CPLANE1: variants seen among roughly 807,000 people sequenced by gnomAD.
CPLANE1 encodes ciliogenesis and planar polarity effector complex subunit 1, also known as ciliogenesis and planar polarity effector 1.
A neutral mutation model predicts 362.5 loss-of-function variants in CPLANE1; 263 were observed. The ratio of observed to expected loss-of-function variants is 0.73; its 90% confidence interval spans 0.66 to 0.80. CPLANE1 has a LOEUF of 0.80. CPLANE1 is among the 30% of genes least tolerant of loss of function. CPLANE1 has a pLI of 0.00. For synonymous variants in CPLANE1, 1,212 were observed against 1,302.6 expected (o/e 0.93, Z 1.50); for missense variants, 3,461 against 3,793.4 (o/e 0.91, Z 2.30).
At position 37,201,689 on chromosome 5, in the gene CPLANE1, CAG is replaced by C. The variant is rs1228082731; in HGVS notation, c.3407_3408del (p.Ser1136CysfsTer6). On this transcript the variant is annotated frameshift_variant, in exon 19 of 53. Coordinates refer to ENST00000651892, the MANE Select transcript of CPLANE1 (RefSeq NM_001384732.1). LOFTEE classifies it high-confidence loss of function. ...CACAGTCTTTTACTGAAGTCCTTGG[CAG>C]AGTCTATCAGAAGTTGAAATGTCTC... is the stretch of plus-strand genomic sequence containing the variant. ...LSETFQLLID[S>X]AKDFSKRLWG... 6.2e-7 allele frequency: 1 copy of C among 1,614,004 alleles called. No homozygotes were observed. The highest frequency in any genetic ancestry group is 8.5e-7 in the Non-Finnish European group (1 of 1,179,988).
At position 37,167,041 on chromosome 5, in the gene CPLANE1, C is replaced by A. The variant is rs1304769370; in HGVS notation, c.7400+6G>T. 1.2e-6 allele frequency: 2 copies of A among 1,601,414 alleles called. No homozygotes were observed. Among genetic ancestry groups the A allele is most frequent in the Middle Eastern group, 1.7e-4 (1 of 6,010 alleles). On this transcript the variant is annotated splice_donor_region_variant and intron_variant, in intron 35 of 52. Transcript: ENST00000651892. ...ATTATCAAATAAAATTTCACTTAAG[C>A]CTTGCCTTTTTTTACTGTCCTTTCC...
chr5:37,239,574 C>G lies in CPLANE1; in HGVS notation c.834+139G>C, dbSNP rs1396058909. On this transcript the variant is annotated intron_variant, in intron 7 of 52. Coordinates refer to ENST00000651892, the MANE Select transcript of CPLANE1 (RefSeq NM_001384732.1). ...CTCCAGCCTAGGCAACAGAGAGAGACCCTGTCAAAAAAAAAAAAAAAAAAA... is the reference window on the plus strand; with the variant it reads ...CTCCAGCCTAGGCAACAGAGAGAGAGCCTGTCAAAAAAAAAAAAAAAAAAA... 16 of 526,720 alleles carry G rather than the reference C, an allele frequency of 3.0e-5. No individual in the cohort carries two copies. The East Asian group carries it at 5.0e-4, about 16-fold the overall frequency. 32.6% of individuals were successfully genotyped at this position (526,720 alleles called of 1,614,324 possible).
Position 37,117,099 on chromosome 5 carries a change from A to G in CPLANE1, c.9311-2050T>C, listed in dbSNP as rs185151053. Among the ~76,000 whole-genome samples the G allele has an allele frequency of 2.0e-5, 3 of 152,348 alleles. No homozygotes were observed. The East Asian group carries it at 5.8e-4, about 29-fold the overall frequency. ...GGACAATAGCCAGGCATATGGTATT[A>G]TTCTCTGACATGGTATAAATACTAT... On this transcript the variant is annotated intron_variant, in intron 50 of 52. Transcript: ENST00000651892.
At chr5:37,127,112 G>A (rs1235650009) in intron 46 of CPLANE1, among the ~76,000 whole-genome samples, 1 of 152,126 alleles carries the variant, frequency 6.6e-6, no homozygotes, top group African/African-American at 2.4e-5. Context: ...CATTCTGTGC[G>A]ACCCCACTGG....
chr5:37,143,581 G>C (rs1405689489), intron 43 of CPLANE1, among the ~76,000 whole-genome samples: 1 of 152,208 alleles, frequency 6.6e-6, no homozygotes, highest in Non-Finnish European at 1.5e-5. Context: ...AGACAGATAT[G>C]AGGAAATCAT....
chr5:37,231,141 G>A, intron 8 of CPLANE1, 92 bp from the exon 9 acceptor site: 1 of 901,304 alleles, frequency 1.1e-6, no homozygotes, highest in Non-Finnish European at 1.5e-6. Flanking sequence ...AGGTGTGAAA[G>A]TTCAAAAAAT....
Position 37,165,658 on chromosome 5 carries a change from C to A in CPLANE1, c.7414G>T (p.Ala2472Ser). 1 of 1,606,980 alleles carries A rather than the reference C, an allele frequency of 6.2e-7. No homozygotes were observed. Among genetic ancestry groups the A allele is most frequent in the Non-Finnish European group, 8.5e-7 (1 of 1,178,514 alleles). ...CTTTTTTCTTGCAGCTCTTTCTCAGCTCTTCTTCTTTGCCTGTTAAACATA... is the reference window on the plus strand; with the variant it reads ...CTTTTTTCTTGCAGCTCTTTCTCAGATCTTCTTCTTTGCCTGTTAAACATA... Reference protein sequence around the residue: ...KDSKKRQRRRAEKELQEKRCE... With the variant: ...KDSKKRQRRRSEKELQEKRCE... Residue 2472 changes from alanine to serine, a missense_variant, in exon 36 of 53, where the codon GCT (alanine) becomes TCT (serine). By Grantham distance (99) the Ala-to-Ser change is moderately conservative. Coordinates refer to ENST00000651892, the MANE Select transcript of CPLANE1 (RefSeq NM_001384732.1).
In CPLANE1 at chr5:37,138,683, T is replaced by C. The variant is rs766055033; in HGVS notation, c.8792+37A>G. 8.2e-6 allele frequency: 13 copies of C among 1,585,708 alleles called. No homozygotes were observed. In the South Asian group the frequency reaches 1.4e-4, roughly 17 times the overall value. On this transcript the variant is annotated intron_variant, in intron 46 of 52. Coordinates refer to ENST00000651892, the MANE Select transcript of CPLANE1 (RefSeq NM_001384732.1). ...TTTGAACATTCTTGAATGAGAAGCATTTTAAACAGGTTAAAAATGAATTAT... is the reference window on the plus strand; with the variant it reads ...TTTGAACATTCTTGAATGAGAAGCACTTTAAACAGGTTAAAAATGAATTAT...
intron 9 of CPLANE1, among the ~76,000 whole-genome samples, chr5:37,230,178 G>GA (rs1043621234): frequency 1.2e-4 from 10 of 80,522 alleles, no homozygotes; most frequent in Admixed American, 2.7e-4. Context: ...TCCGTCTCAA[G>GA]AAAAAAAAAA....
At chr5:37,212,242 T>C (rs1019897264) in intron 16 of CPLANE1, 4 of 1,447,844 alleles carry the variant, frequency 2.8e-6, no homozygotes, top group Non-Finnish European at 3.9e-6. Flanking sequence ...ATGAAAATCA[T>C]CCAGCAAGAC....
At chr5:37,144,258 A>C (rs1055045728) in intron 43 of CPLANE1, among the ~76,000 whole-genome samples, 1 of 151,786 alleles carries the variant, frequency 6.6e-6, no homozygotes, top group Admixed American at 6.6e-5. Context: ...AAATACAAAA[A>C]ATTAGCCCAG....
intron 16 of CPLANE1, chr5:37,211,824 G>C: frequency 1.2e-6 from 1 of 804,616 alleles, no homozygotes; most frequent in South Asian, 1.3e-5. Flanking sequence ...AGCTTTTAAG[G>C]ATAACGAGGA....
chr5:37,210,038 C>T (rs775986494), intron 16 of CPLANE1: 9 of 802,788 alleles, frequency 1.1e-5, no homozygotes, highest in Non-Finnish European at 1.7e-5. Flanking sequence ...TTAAAGATAC[C>T]GAAATAGGAA....
intron 50 of CPLANE1, among the ~76,000 whole-genome samples, chr5:37,116,630 A>AC (rs1761086902): frequency 6.6e-6 from 1 of 152,074 alleles, no homozygotes; most frequent in Non-Finnish European, 1.5e-5. Context: ...AAAAAAAAAA[A>AC]ATTTCCTAAC....
intron 40 of CPLANE1, 83 bp downstream of exon 40, chr5:37,157,587 G>C (rs1043219985): frequency 1.5e-5 from 18 of 1,230,716 alleles, no homozygotes; most frequent in Non-Finnish European, 2.0e-5. Context: ...TAGGAGGAGA[G>C]GTAAGAGATG....
At position 37,183,121 on chromosome 5, in the gene CPLANE1, T is replaced by G. The variant is rs767457866; in HGVS notation, c.5060A>C (p.Lys1687Thr). Residue 1687 changes from lysine to threonine, a missense_variant, in exon 26 of 53, where the codon AAA becomes ACA. By Grantham distance (78) the Lys-to-Thr change is moderately conservative. Coordinates refer to ENST00000651892, the MANE Select transcript of CPLANE1 (RefSeq NM_001384732.1). Reference sequence around the variant, plus strand: ...TTTCTCTCTAGTGTCATCTTGTATTTTGTAAATTGACCTTTGTTTTAAACC... The same window carrying G: ...TTTCTCTCTAGTGTCATCTTGTATTGTGTAAATTGACCTTTGTTTTAAACC... ...LFGLKQRSIY[K>T]IQDDTREKCL... The G allele has an allele frequency of 6.2e-7, 1 of 1,613,280 alleles. No individual in the cohort carries two copies. Among genetic ancestry groups the G allele is most frequent in the Non-Finnish European group, 8.5e-7 (1 of 1,179,778 alleles).
At chr5:37,208,578 G>T (rs1791526962) in intron 16 of CPLANE1, among the ~76,000 whole-genome samples, 1 of 152,008 alleles carries the variant, frequency 6.6e-6, no homozygotes, top group Non-Finnish European at 1.5e-5. Flanking sequence ...TCAGGAGGCT[G>T]AGGCAGGAGA....
chr5:37,147,358 A>G (rs1010788072), intron 43 of CPLANE1, among the ~76,000 whole-genome samples: 7 of 152,246 alleles, frequency 4.6e-5, no homozygotes, highest in African/African-American at 1.7e-4. Context: ...ACATAGCCCA[A>G]TATTAGAATG....
Position 37,238,879 on chromosome 5 carries a change from C to G in CPLANE1, c.916G>C (p.Val306Leu). The change falls in exon 8 of 53, where the codon GTG becomes CTG. Residue 306 changes from valine (V) to leucine (L), a missense_variant. This residue lies in a region of CPLANE1 where 3,380 missense variants were observed against 3,666.1 expected (regional missense o/e 0.92). Transcript: ENST00000651892. Reference sequence around the variant, plus strand: ...TACCTAATAAGTGTAGCTGGAACCACGGGACTCTTGTTACTACATCCTTTA... The same window carrying G: ...TACCTAATAAGTGTAGCTGGAACCAGGGGACTCTTGTTACTACATCCTTTA... ...SLKGCSNKSP[V>L]VPATLIRSYW... is the part of the protein sequence containing the mutation. 6.6e-7 allele frequency: 1 copy of G among 1,520,998 alleles called. No homozygotes were observed. Among genetic ancestry groups the G allele is most frequent in the Non-Finnish European group, 8.8e-7 (1 of 1,133,552 alleles). 94.2% of individuals were successfully genotyped at this position (1,520,998 alleles called of 1,614,324 possible). A position where few individuals can be genotyped will look rare whatever the true frequency, so the allele number is the denominator to read the frequency against.
Sources: gnomAD v4.1 joint callset for allele counts (sites outside exome capture counted in the v4.1 genomes callset) on GRCh38, gnomAD v4.1.1 for gene constraint, gnomAD v4.1.1 regional missense constraint, MANE v1.5 for transcripts, NCBI Gene and HGNC (gene_info 2026-07-23, HGNC 2026-07-21) for gene names.